Variants in UMPS observed in about 807,000 individuals in gnomAD.
The protein encoded by UMPS is uridine monophosphate synthetase, also known as uridine 5'-monophosphate synthase.
Under a neutral mutation model 38.9 loss-of-function variants are expected in UMPS, and 21 were observed. The observed-to-expected ratio is 0.54, with a 90% CI of 0.38 to 0.78. The LOEUF (loss-of-function observed/expected upper bound fraction) is 0.78. Among genes scored for constraint, UMPS ranks in the 30% least tolerant of loss-of-function variants. The pLI, the probability that UMPS is intolerant of heterozygous loss-of-function variation, is 0.00. For synonymous variants in UMPS, 208 were observed against 219.3 expected (o/e 0.95, Z 0.45); for missense variants, 533 against 591.6 (o/e 0.90, Z 1.03).
chr3:124,738,017 C>A lies in UMPS; in HGVS notation c.760C>A (p.Leu254Met), dbSNP rs1336569957. The change falls in exon 3 of 6, where the codon CTG becomes ATG. Residue 254 changes from leucine (L) to methionine (M), a missense_variant. Coordinates refer to ENST00000232607, the MANE Select transcript of UMPS (RefSeq NM_000373.4). Reference sequence around the variant, plus strand: ...GCTTATGCAAAAGAAGGAGACCAATCTGTGTCTATCTGCTGATGTTTCACT... The same window carrying A: ...GCTTATGCAAAAGAAGGAGACCAATATGTGTCTATCTGCTGATGTTTCACT... Reference protein sequence around the residue: ...LRLMQKKETNLCLSADVSLAR... With the variant: ...LRLMQKKETNMCLSADVSLAR... The A allele has an allele frequency of 1.9e-6, 3 of 1,614,238 alleles. No homozygotes were observed. In the Admixed American group the frequency reaches 5.0e-5, roughly 27 times the overall value.
At chr3:124,743,625 G>A (rs1402917844) in intron 5 of UMPS, among the ~76,000 whole-genome samples, 1 of 151,608 alleles carries the variant, frequency 6.6e-6, no homozygotes, top group African/African-American at 2.4e-5. Flanking sequence ...GTGACAGAGC[G>A]AGACTCCGTC....
At chr3:124,738,717 G>C in intron 3 of UMPS, 1 of 154,712 alleles carries the variant, frequency 6.5e-6, no homozygotes, top group East Asian at 1.9e-4. Context: ...AGGAAACAAT[G>C]AAAAAGAAAT....
chr3:124,737,362 A>G, intron 2 of UMPS: 1 of 574,984 alleles, frequency 1.7e-6, no homozygotes, highest in South Asian at 2.1e-5. Flanking sequence ...AATATACTGT[A>G]TGTGTAACTG....
rs1391670761 is a variant in UMPS, at chr3:124,745,796, G to A, written c.*1712G>A. ...GGTGTCTTCAGTGTTGGAGTGATATGTTGAGAGGCCTTTGGAGTGATGTGC... is the reference window on the plus strand; with the variant it reads ...GGTGTCTTCAGTGTTGGAGTGATATATTGAGAGGCCTTTGGAGTGATGTGC... On this transcript the variant is annotated 3_prime_UTR_variant, in exon 6 of 6. Transcript: ENST00000232607. 1 of 453,982 alleles carries A rather than the reference G, an allele frequency of 2.2e-6. No homozygotes were observed. Among genetic ancestry groups the A allele is most frequent in the African/African-American group, 2.0e-5 (1 of 49,986 alleles). The allele number at this position is 453,982 out of a possible 1,614,324, so 28.1% of individuals were successfully genotyped here. A position where few individuals can be genotyped will look rare whatever the true frequency, so the allele number is the denominator to read the frequency against.
chr3:124,731,016 C>T (rs991057466), intron 1 of UMPS, among the ~76,000 whole-genome samples: 15 of 152,100 alleles, frequency 9.9e-5, no homozygotes, highest in African/African-American at 3.4e-4. Flanking sequence ...ATCACCTGAG[C>T]CCCAGGAGTT....
At chr3:124,737,465 G>A in intron 2 of UMPS, 103 bp from the exon 3 acceptor site, 1 of 1,046,838 alleles carries the variant, frequency 9.6e-7, no homozygotes, top group Non-Finnish European at 1.5e-6. Flanking sequence ...CACATATACT[G>A]TATGTGTAAC....
At chr3:124,735,313 C>T (rs569923981) in intron 2 of UMPS, 67 bp downstream of exon 2, 34 of 1,448,344 alleles carry the variant, frequency 2.3e-5, no homozygotes, top group Middle Eastern at 1.9e-4. Flanking sequence ...AGAATTTTTC[C>T]GCTTCTGTGC....
intron 3 of UMPS, 83 bp downstream of exon 3, chr3:124,738,322 A>C: frequency 6.9e-7 from 1 of 1,457,418 alleles, no homozygotes; most frequent in Non-Finnish European, 9.5e-7. Context: ...ATGTCATTGA[A>C]AGTCCATTCA....
Position 124,747,996 on chromosome 3 carries a change from CT to C in UMPS, c.*3917del. The stretch of plus-strand genomic sequence containing the variant: ...CAGGGCTGAATGAGAAAGGGCATTC[CT>C]TTTTGAAGGAATCTGATACTAAACA... On this transcript the variant is annotated 3_prime_UTR_variant, in exon 6 of 6. Transcript: ENST00000232607. 2.2e-6 allele frequency: 1 copy of C among 453,152 alleles called. No individual in the cohort carries two copies. 28.1% of individuals were successfully genotyped at this position (453,152 alleles called of 1,614,324 possible). A position where few individuals can be genotyped will look rare whatever the true frequency, so the allele number is the denominator to read the frequency against.
chr3:124,732,861 A>G (rs1483179691), intron 1 of UMPS, among the ~76,000 whole-genome samples: 2 of 152,176 alleles, frequency 1.3e-5, no homozygotes, highest in Non-Finnish European at 2.9e-5. Flanking sequence ...GCTATGGTGT[A>G]TCTTAGCAAT....
rs1272492430 is a variant in UMPS at position 124,747,244 on chromosome 3, G to A, written c.*3160G>A. ...GAGGAGGTTCTCACTGTGACTCAGT[G>A]TGTGCCCGACAGCAGAGCCCACACC... On this transcript the variant is annotated 3_prime_UTR_variant, in exon 6 of 6. Coordinates refer to ENST00000232607, the MANE Select transcript of UMPS (RefSeq NM_000373.4). 2.2e-6 allele frequency: 1 copy of A among 450,920 alleles called. No individual in the cohort carries two copies. The highest frequency in any genetic ancestry group is 1.5e-5 in the South Asian group (1 of 64,948). The allele number at this position is 450,920 out of a possible 1,614,324, so 27.9% of individuals were successfully genotyped here. A position where few individuals can be genotyped will look rare whatever the true frequency, so the allele number is the denominator to read the frequency against.
intron 3 of UMPS, 100 bp from the exon 4 acceptor site, chr3:124,739,924 T>C: frequency 8.7e-7 from 1 of 1,146,920 alleles, no homozygotes; most frequent in South Asian, 1.3e-5. Context: ...CATTAACATG[T>C]TACTGGGAGA....
At position 124,746,594 on chromosome 3, in the gene UMPS, C is replaced by T. The variant is rs1452882632; in HGVS notation, c.*2510C>T. 1 of 454,072 alleles carries T rather than the reference C, an allele frequency of 2.2e-6. No homozygotes were observed. Among genetic ancestry groups the T allele is most frequent in the Non-Finnish European group, 4.4e-6 (1 of 226,778 alleles). 28.1% of individuals were successfully genotyped at this position (454,072 alleles called of 1,614,324 possible). ...TCTCAGTCAAGGAATATTTACAGAACATGATCTCTGGGCATTGTAACTCCT... is the reference window on the plus strand; with the variant it reads ...TCTCAGTCAAGGAATATTTACAGAATATGATCTCTGGGCATTGTAACTCCT... On this transcript the variant is annotated 3_prime_UTR_variant, in exon 6 of 6. Transcript: ENST00000232607.
intron 1 of UMPS, among the ~76,000 whole-genome samples, chr3:124,734,326 G>T (rs2063502310): frequency 6.6e-6 from 1 of 152,076 alleles, no homozygotes; most frequent in South Asian, 2.1e-4. Context: ...GATGATTTAT[G>T]TGGAAAAGGA....
At chr3:124,739,686 C>T (rs1421633777) in intron 3 of UMPS, among the ~76,000 whole-genome samples, 1 of 152,194 alleles carries the variant, frequency 6.6e-6, no homozygotes, top group Non-Finnish European at 1.5e-5. Context: ...TTTATCTTCA[C>T]TGGAGTCCCT....
intron 3 of UMPS, 99 bp downstream of exon 3, chr3:124,738,338 C>G: frequency 7.4e-7 from 1 of 1,350,614 alleles, no homozygotes; most frequent in South Asian, 1.3e-5. Flanking sequence ...ATTCATAGAG[C>G]AGGCTGTCAA....
At chr3:124,743,062 G>A (rs542479124) in intron 5 of UMPS, among the ~76,000 whole-genome samples, 8 of 152,212 alleles carry the variant, frequency 5.3e-5, no homozygotes, top group Admixed American at 1.3e-4. Context: ...GGCTGGGTGC[G>A]GGGGCTCACG....
At position 124,746,807 on chromosome 3, in the gene UMPS, G is replaced by A. The variant is rs967941348; in HGVS notation, c.*2723G>A. 1.1e-4 allele frequency: 51 copies of A among 450,580 alleles called. No individual in the cohort carries two copies. The highest frequency in any genetic ancestry group is 6.6e-4 in the Admixed American group (28 of 42,280). The allele number at this position is 450,580 out of a possible 1,614,324, so 27.9% of individuals were successfully genotyped here. A position where few individuals can be genotyped will look rare whatever the true frequency, so the allele number is the denominator to read the frequency against. ...TGTGTGTGTGTGTGTGCATGCGCGCGCGTGCGCACTGGAGGAACCTAAGAA... is the reference window on the plus strand; with the variant it reads ...TGTGTGTGTGTGTGTGCATGCGCGCACGTGCGCACTGGAGGAACCTAAGAA... On this transcript the variant is annotated 3_prime_UTR_variant, in exon 6 of 6. Transcript: ENST00000232607.
Position 124,730,599 on chromosome 3 carries a change from T to G in UMPS, c.128T>G (p.Ile43Ser). Residue 43 changes from isoleucine (I) to serine (S), a missense_variant, in exon 1 of 6, where the codon ATC becomes AGC. Transcript: ENST00000232607. ...CCCATCTACATCGATCTGCGGGGCA[T>G]CGTGTCTCGACCGCGTCTTCTGAGT... ...SSPIYIDLRGIVSRPRLLSQV... is the reference protein window; with the variant it reads ...SSPIYIDLRGSVSRPRLLSQV... 6.2e-7 allele frequency: 1 copy of G among 1,612,274 alleles called. No individual in the cohort carries two copies. The highest frequency in any genetic ancestry group is 8.5e-7 in the Non-Finnish European group (1 of 1,178,508).
Sources: gnomAD v4.1 joint callset for allele counts (sites outside exome capture counted in the v4.1 genomes callset) on GRCh38, gnomAD v4.1.1 for gene constraint, MANE v1.5 for transcripts, NCBI Gene and HGNC (gene_info 2026-07-23, HGNC 2026-07-21) for gene names.